Variants in AGBL4 observed in about 807,000 individuals in gnomAD.
AGBL4 encodes the protein AGBL carboxypeptidase 4.
A neutral mutation model predicts 66.4 loss-of-function variants in AGBL4; 58 were observed. That is an observed-to-expected ratio of 0.87 (90% CI 0.71 to 1.09). The LOEUF (loss-of-function observed/expected upper bound fraction) is 1.09, where lower values mean the gene tolerates loss of function less well. AGBL4 is among the 50% of genes least tolerant of loss of function. The pLI is 0.00. For synonymous variants in AGBL4, 234 were observed against 222.9 expected (o/e 1.05, Z -0.44); for missense variants, 579 against 631.0 (o/e 0.92, Z 0.88).
intron 4 of AGBL4, among the ~76,000 whole-genome samples, chr1:49,143,562 A>G (rs1351469848): frequency 6.6e-6 from 1 of 152,210 alleles, no homozygotes; most frequent in African/African-American, 2.4e-5. Flanking sequence ...TGCTTTTAAC[A>G]TTCTTCTTGT....
chr1:48,993,974 G>T (rs539470745), intron 5 of AGBL4, among the ~76,000 whole-genome samples: 2 of 152,230 alleles, frequency 1.3e-5, no homozygotes, highest in Admixed American at 6.5e-5. Flanking sequence ...CTAATTTTTG[G>T]TTCTTAGAAA....
chr1:49,149,092 C>G (rs971873815), intron 4 of AGBL4, among the ~76,000 whole-genome samples: 1 of 152,182 alleles, frequency 6.6e-6, no homozygotes, highest in Non-Finnish European at 1.5e-5. Context: ...ATGTTCTAAT[C>G]AAGGTGCTGT....
chr1:49,569,140 A>G (rs1644275879), intron 3 of AGBL4, among the ~76,000 whole-genome samples: 1 of 152,150 alleles, frequency 6.6e-6, no homozygotes, highest in Non-Finnish European at 1.5e-5. Context: ...AGAAAGACAA[A>G]CATCACATGT....
At chr1:49,158,943 G>T (rs1646488128) in intron 4 of AGBL4, among the ~76,000 whole-genome samples, 1 of 140,696 alleles carries the variant, frequency 7.1e-6, no homozygotes, top group Admixed American at 7.3e-5. Flanking sequence ...CCTTTATTTT[G>T]AGCCTATGTA....
chr1:49,710,297 T>A (rs1177387488), intron 2 of AGBL4, among the ~76,000 whole-genome samples: 1 of 152,012 alleles, frequency 6.6e-6, no homozygotes, highest in Non-Finnish European at 1.5e-5. Flanking sequence ...AAGGGACATG[T>A]ATGAAGCTGG....
intron 1 of AGBL4, among the ~76,000 whole-genome samples, chr1:50,011,431 G>A (rs1461214373): frequency 6.6e-6 from 1 of 152,164 alleles, no homozygotes; most frequent in Non-Finnish European, 1.5e-5. Context: ...TATACTGCTG[G>A]TGGGAATGTA....
chr1:49,804,720 A>C (rs908007087), intron 2 of AGBL4, among the ~76,000 whole-genome samples: 3 of 152,214 alleles, frequency 2.0e-5, no homozygotes, highest in African/African-American at 7.2e-5. Context: ...ATTTTCATCA[A>C]TTAACAAACA....
chr1:49,929,468 A>G (rs991386169), intron 1 of AGBL4, among the ~76,000 whole-genome samples: 1 of 152,214 alleles, frequency 6.6e-6, no homozygotes, highest in African/African-American at 2.4e-5. Context: ...AATAAAAACT[A>G]GAATTATTTA....
rs1570285711 is a variant in AGBL4, at chr1:49,268,451, A to AC, written c.283-22588_283-22587insG. Among the ~76,000 whole-genome samples the AC allele has an allele frequency of 5.9e-5, 7 of 118,542 alleles. No homozygotes were observed. In the East Asian group the frequency reaches 2.0e-3, roughly 34 times the overall value. 77.8% of individuals were successfully genotyped at this position (118,542 alleles called of 152,430 possible). Reference sequence around the variant, plus strand: ...ACACACACACACACACACACACACAAATACAAGATCTCACTCTATTGCACA... The same window carrying AC: ...ACACACACACACACACACACACACAACATACAAGATCTCACTCTATTGCACA... On this transcript the variant is annotated intron_variant, in intron 3 of 13. Transcript: ENST00000371839.
intron 3 of AGBL4, among the ~76,000 whole-genome samples, chr1:49,598,791 T>C (rs901952694): frequency 6.6e-6 from 1 of 152,178 alleles, no homozygotes; most frequent in Non-Finnish European, 1.5e-5. Context: ...ACCCAGCTTA[T>C]TGAGAGTTTT....
chr1:48,996,649 C>T (rs959217323), intron 5 of AGBL4, among the ~76,000 whole-genome samples: 1 of 151,952 alleles, frequency 6.6e-6, no homozygotes, highest in Non-Finnish European at 1.5e-5. Context: ...AAGGGTGTTT[C>T]AGAAGAATGT....
chr1:48,830,009 G>C (rs1390104657), intron 6 of AGBL4, among the ~76,000 whole-genome samples: 1 of 152,092 alleles, frequency 6.6e-6, no homozygotes, highest in African/African-American at 2.4e-5. Context: ...TCAACTCAAG[G>C]CTTGGTACCC....
intron 3 of AGBL4, among the ~76,000 whole-genome samples, chr1:49,338,079 C>T (rs148198694): frequency 6.4e-4 from 97 of 152,294 alleles, no homozygotes; most frequent in Middle Eastern, 3.4e-3. Context: ...GTTGATCAAA[C>T]TTCTGCAATG....
At chr1:49,372,953 C>G (rs35666697) in intron 3 of AGBL4, among the ~76,000 whole-genome samples, 226 of 151,980 alleles carry the variant, frequency 1.5e-3, no homozygotes, top group Non-Finnish European at 1.4e-3. Flanking sequence ...GAGATGGGAT[C>G]TCACTATGTT....
intron 1 of AGBL4, among the ~76,000 whole-genome samples, chr1:49,919,007 G>A (rs1018648548): frequency 4.6e-5 from 7 of 152,174 alleles, no homozygotes; most frequent in Middle Eastern, 3.2e-3. Flanking sequence ...AATAGATGCA[G>A]AAAAGGCCTT....
In AGBL4 at chr1:49,280,343, A is replaced by G. The variant is rs148425959; in HGVS notation, c.283-34479T>C. On this transcript the variant is annotated intron_variant, in intron 3 of 13. Transcript: ENST00000371839. ...TTGTGGCCATTTTTGTGTCAGTTAA[A>G]CTGTTTCTTTACTGCAATGCCATGG... 6.3e-3 allele frequency among the ~76,000 whole-genome samples: 953 copies of G among 152,236 alleles called. 41 individuals are homozygous for G. Among genetic ancestry groups the G allele is most frequent in the Admixed American group, 0.059 (896 of 15,292 alleles).
At chr1:49,650,287 G>A (rs1282165327) in intron 3 of AGBL4, among the ~76,000 whole-genome samples, 1 of 152,196 alleles carries the variant, frequency 6.6e-6, no homozygotes, top group Non-Finnish European at 1.5e-5. Context: ...AAGGAAGGCA[G>A]CAAGAATATG....
intron 5 of AGBL4, among the ~76,000 whole-genome samples, chr1:48,923,951 T>A (rs1441053184): frequency 6.6e-6 from 1 of 152,092 alleles, no homozygotes; most frequent in Non-Finnish European, 1.5e-5. Context: ...ACCTTCCACT[T>A]CTATTCTTAG....
chr1:49,953,760 T>A (rs533217240), intron 1 of AGBL4, among the ~76,000 whole-genome samples: 1 of 151,960 alleles, frequency 6.6e-6, no homozygotes, highest in East Asian at 1.9e-4. Context: ...GGATAAGAGA[T>A]ACTCAATCTG....
Sources: allele counts gnomAD v4.1 joint callset (sites outside exome capture counted in the v4.1 genomes callset), GRCh38; gene constraint gnomAD v4.1.1; transcripts MANE v1.5; gene names NCBI Gene and HGNC (gene_info 2026-07-23, HGNC 2026-07-21).